Variants in MAP3K5 observed in about 807,000 individuals in gnomAD.
The protein encoded by MAP3K5 is ASK-1.
Under a neutral mutation model 158.7 loss-of-function variants are expected in MAP3K5, and 56 were observed. That is an observed-to-expected ratio of 0.35 (90% CI 0.28 to 0.44). MAP3K5 has a LOEUF of 0.44. MAP3K5 is among the 20% of genes least tolerant of loss of function. The probability of loss-of-function intolerance (pLI) is 1.00; values close to 1 mark genes in which losing one functional copy is unlikely to be tolerated. For missense variants in MAP3K5, 1,294 were observed against 1,674.8 expected (o/e 0.77, Z 3.97); for synonymous variants, 579 against 601.7 (o/e 0.96, Z 0.55).
At chr6:136,576,669 C>G (rs186823544) in intron 25 of MAP3K5, among the ~76,000 whole-genome samples, 3 of 152,208 alleles carry the variant, frequency 2.0e-5, no homozygotes, top group Admixed American at 2.0e-4. Flanking sequence ...CAAGGAAACC[C>G]AATTCCTTTT....
At chr6:136,726,385 G>T (rs915627116) in intron 1 of MAP3K5, among the ~76,000 whole-genome samples, 5 of 152,172 alleles carry the variant, frequency 3.3e-5, no homozygotes, top group African/African-American at 1.2e-4. Context: ...TTGAGGCCAG[G>T]AGTTTGAGAC....
intron 1 of MAP3K5, among the ~76,000 whole-genome samples, chr6:136,784,369 A>T (rs1000734161): frequency 6.6e-6 from 1 of 152,150 alleles, no homozygotes; most frequent in East Asian, 1.9e-4. Flanking sequence ...AAGCTCTTTT[A>T]AAAAAATTAT....
Position 136,762,799 on chromosome 6 carries a change from C to G in MAP3K5, c.448+28911G>C, listed in dbSNP as rs550682184. On this transcript the variant is annotated intron_variant, in intron 1 of 29. Transcript: ENST00000359015. Reference sequence around the variant, plus strand: ...TGCCCCTGGGGAAAGTCCTCTCCCCCTTCCTCCTCCCAGTCTCCTGGAGGT... The same window carrying G: ...TGCCCCTGGGGAAAGTCCTCTCCCCGTTCCTCCTCCCAGTCTCCTGGAGGT... 6.6e-5 allele frequency among the ~76,000 whole-genome samples: 10 copies of G among 152,270 alleles called. No individual in the cohort carries two copies. The South Asian group carries it at 2.1e-3, about 32-fold the overall frequency.
intron 15 of MAP3K5, 129 bp from the exon 16 acceptor site, chr6:136,614,415 C>G: frequency 1.0e-6 from 1 of 958,104 alleles, no homozygotes; most frequent in Non-Finnish European, 1.5e-6. Flanking sequence ...CCACTTAAGG[C>G]CTTTATTTCT....
intron 14 of MAP3K5, among the ~76,000 whole-genome samples, chr6:136,628,956 T>A (rs1777177849): frequency 6.6e-6 from 1 of 152,174 alleles, no homozygotes; most frequent in Admixed American, 6.5e-5. Flanking sequence ...GAAGAGAGGG[T>A]TTTAAAAAAT....
At chr6:136,656,146 A>G (rs1188721429) in intron 10 of MAP3K5, 161 bp downstream of exon 10, 4 of 589,290 alleles carry the variant, frequency 6.8e-6, no homozygotes, top group South Asian at 2.1e-5. Flanking sequence ...GTTATTTTTA[A>G]AAGTAAGCTA....
intron 1 of MAP3K5, among the ~76,000 whole-genome samples, chr6:136,760,830 C>T (rs1055909495): frequency 1.3e-5 from 2 of 152,130 alleles, no homozygotes; most frequent in African/African-American, 4.8e-5. Context: ...ATTAGCCAGG[C>T]ATGGTGGCAC....
rs187906371 is a variant in MAP3K5, at chr6:136,609,701, G to C, written c.2521+1581C>G. Among the ~76,000 whole-genome samples, 3 of 152,006 alleles carry C rather than the reference G, an allele frequency of 2.0e-5. No homozygotes were observed. The highest frequency in any genetic ancestry group is 6.6e-5 in the Admixed American group (1 of 15,232). On this transcript the variant is annotated intron_variant, in intron 18 of 29. Transcript: ENST00000359015. This position sits in a 1 kb window ranked among gnomAD's most constrained non-coding sequence, Gnocchi z 4.4. Reference sequence around the variant, plus strand: ...CCCAGCTACTAGGGAGGCTGAGGTAGGAGAATCACTTGAGCCCGGGGTAGG... The same window carrying C: ...CCCAGCTACTAGGGAGGCTGAGGTACGAGAATCACTTGAGCCCGGGGTAGG...
At chr6:136,615,625 T>C (rs954388204) in intron 15 of MAP3K5, among the ~76,000 whole-genome samples, 3 of 152,188 alleles carry the variant, frequency 2.0e-5, no homozygotes, top group African/African-American at 4.8e-5. Flanking sequence ...TCCAAATCAG[T>C]AGCCTCAAAT....
rs115424668 is a variant in MAP3K5, at chr6:136,607,060, C to A, written c.2522-1694G>T. 7.2e-3 allele frequency among the ~76,000 whole-genome samples: 1,097 copies of A among 152,300 alleles called. 18 individuals are homozygous for A. The highest frequency in any genetic ancestry group is 0.025 in the African/African-American group (1,026 of 41,558). On this transcript the variant is annotated intron_variant, in intron 18 of 29. Transcript: ENST00000359015. ...TGGCCAAAGACAAGGCAACCATGCT[C>A]CCCAAAGACGCTCGCCCACCTTTAC... is the stretch of plus-strand genomic sequence containing the variant.
chr6:136,755,946 T>C (rs1203658318), intron 1 of MAP3K5, among the ~76,000 whole-genome samples: 1 of 151,896 alleles, frequency 6.6e-6, no homozygotes, highest in African/African-American at 2.4e-5. Flanking sequence ...AGGAAAAAAT[T>C]ATGACATTAA....
chr6:136,706,652 C>A (rs533186451), intron 2 of MAP3K5, among the ~76,000 whole-genome samples: 2 of 152,050 alleles, frequency 1.3e-5, no homozygotes, highest in Non-Finnish European at 2.9e-5. Flanking sequence ...TGTGGCCAGG[C>A]GAGGCCCGGC....
intron 7 of MAP3K5, among the ~76,000 whole-genome samples, chr6:136,690,180 T>C (rs1780326715): frequency 6.6e-6 from 1 of 152,216 alleles, no homozygotes; most frequent in Non-Finnish European, 1.5e-5. Flanking sequence ...ACCATTATAC[T>C]GAATTTGGAG....
At chr6:136,639,684 C>T (rs570312528) in intron 12 of MAP3K5, 46 bp from the exon 13 acceptor site, 3 of 874,350 alleles carry the variant, frequency 3.4e-6, no homozygotes, top group Non-Finnish European at 5.5e-6. Flanking sequence ...ACTATCAATT[C>T]TTCTACAGTC....
In MAP3K5 at chr6:136,720,584, C is replaced by T; in HGVS notation, c.454G>A (p.Ala152Thr). 6.2e-7 allele frequency: 1 copy of T among 1,607,278 alleles called. No individual in the cohort carries two copies. Among genetic ancestry groups the T allele is most frequent in the Non-Finnish European group, 8.5e-7 (1 of 1,177,364 alleles). Reference sequence around the variant, plus strand: ...AAGGCATCGCTCATCTCCACCACCGCAATATCTGCAAACAGAAAACAAAGT... The same window carrying T: ...AAGGCATCGCTCATCTCCACCACCGTAATATCTGCAAACAGAAAACAAAGT... ...VLDRFYNADI[A>T]VVEMSDAFRQ... The change falls in exon 2 of 30, where the codon GCG becomes ACG. Residue 152 changes from alanine (A) to threonine (T), a missense_variant. Coordinates refer to ENST00000359015, the MANE Select transcript of MAP3K5 (RefSeq NM_005923.4).
intron 23 of MAP3K5, among the ~76,000 whole-genome samples, chr6:136,585,188 C>T (rs943244727): frequency 2.0e-5 from 3 of 150,694 alleles, no homozygotes; most frequent in Non-Finnish European, 4.4e-5. Flanking sequence ...TCATAGCTCA[C>T]TGCAGCCCCT....
intron 12 of MAP3K5, among the ~76,000 whole-genome samples, chr6:136,640,506 T>C (rs535323832): frequency 2.0e-5 from 3 of 152,314 alleles, no homozygotes; most frequent in African/African-American, 7.2e-5. Context: ...AAGGCCCAGC[T>C]TAGACCTCAC....
At chr6:136,570,353 C>A (rs1402927021) in intron 25 of MAP3K5, among the ~76,000 whole-genome samples, 2 of 152,202 alleles carry the variant, frequency 1.3e-5, no homozygotes, top group Non-Finnish European at 2.9e-5. Flanking sequence ...AAGCTGGAAC[C>A]TGGGATTCTA....
intron 1 of MAP3K5, among the ~76,000 whole-genome samples, chr6:136,775,183 A>T (rs1316511406): frequency 2.0e-5 from 3 of 152,226 alleles, no homozygotes; most frequent in Non-Finnish European, 4.4e-5. Context: ...GATTATTCAT[A>T]CCTTAAAAGA....
Sources: gnomAD v4.1 joint callset for allele counts (sites outside exome capture counted in the v4.1 genomes callset) on GRCh38, gnomAD v4.1.1 for gene constraint, Gnocchi (gnomAD v3.1) non-coding constraint, MANE v1.5 for transcripts, NCBI Gene and HGNC (gene_info 2026-07-23, HGNC 2026-07-21) for gene names.